Variants in ATP6V1B1 observed in about 807,000 individuals in gnomAD.
The protein encoded by ATP6V1B1 is V-type proton ATPase subunit B, kidney isoform.
A neutral mutation model predicts 62.1 loss-of-function variants in ATP6V1B1; 41 were observed. That is an observed-to-expected ratio of 0.66 (90% confidence interval 0.51 to 0.86). ATP6V1B1 has a LOEUF of 0.86. ATP6V1B1 is among the 40% of genes least tolerant of loss of function. ATP6V1B1 has a pLI of 0.00. For missense variants in ATP6V1B1, 651 were observed against 697.5 expected (o/e 0.93, Z 0.75); for synonymous variants, 253 against 273.4 (o/e 0.93, Z 0.74).
At chr2:70,957,576 C>T (rs1680469573) in intron 2 of ATP6V1B1, among the ~76,000 whole-genome samples, 1 of 151,942 alleles carries the variant, frequency 6.6e-6, no homozygotes, top group Non-Finnish European at 1.5e-5. Context: ...GATATGCTGT[C>T]CAGGATCCCG....
intron 1 of ATP6V1B1, among the ~76,000 whole-genome samples, chr2:70,937,478 G>T (rs1441532396): frequency 6.6e-6 from 1 of 152,030 alleles, no homozygotes; most frequent in African/African-American, 2.4e-5. Context: ...CCTGCCCCAT[G>T]GAGCTCGGGG....
chr2:70,958,990 C>T (rs1680515358), intron 4 of ATP6V1B1, 28 bp from the exon 5 acceptor site: 6 of 1,611,652 alleles, frequency 3.7e-6, no homozygotes, highest in Non-Finnish European at 5.1e-6. Flanking sequence ...AGCCTGAGCA[C>T]CCTGCAACAC....
At chr2:70,958,949 G>T in intron 4 of ATP6V1B1, 69 bp from the exon 5 acceptor site, 1 of 1,476,462 alleles carries the variant, frequency 6.8e-7, no homozygotes, top group Non-Finnish European at 9.4e-7. Context: ...TGGTGGTGTG[G>T]AGGGTAGACA....
chr2:70,963,158 G>A lies in ATP6V1B1; in HGVS notation c.910-4G>A. 1 of 1,612,354 alleles carries A rather than the reference G, an allele frequency of 6.2e-7. No individual in the cohort carries two copies. On this transcript the variant is annotated splice_polypyrimidine_tract_variant and splice_region_variant and intron_variant, in intron 9 of 13. Transcript: ENST00000234396. This position sits in a 1 kb window ranked among gnomAD's most constrained non-coding sequence, Gnocchi z 4.3. Reference sequence around the variant, plus strand: ...TCTTACCCCAGTGCCCATGGATATTGCAGGTCTCTGCTGCTAGAGAGGAGG... The same window carrying A: ...TCTTACCCCAGTGCCCATGGATATTACAGGTCTCTGCTGCTAGAGAGGAGG...
intron 2 of ATP6V1B1, among the ~76,000 whole-genome samples, chr2:70,946,109 T>C (rs915809023): frequency 2.6e-5 from 4 of 152,024 alleles, no homozygotes; most frequent in Non-Finnish European, 1.5e-5. Flanking sequence ...CTATAGTAGG[T>C]GCTCAGCATG....
chr2:70,946,016 G>A (rs993588174), intron 2 of ATP6V1B1, among the ~76,000 whole-genome samples: 5 of 151,854 alleles, frequency 3.3e-5, no homozygotes, highest in African/African-American at 1.2e-4. Context: ...CACACACACC[G>A]TGCCCTGCTA....
chr2:70,958,169 G>C (rs1352637139), intron 3 of ATP6V1B1, 25 bp downstream of exon 3: 13 of 1,609,260 alleles, frequency 8.1e-6, no homozygotes, highest in Non-Finnish European at 1.1e-5. Flanking sequence ...TGGGACATTG[G>C]CTAGTTAAAT....
chr2:70,938,099 T>A (rs1679901641), intron 1 of ATP6V1B1, among the ~76,000 whole-genome samples: 1 of 152,100 alleles, frequency 6.6e-6, no homozygotes, highest in South Asian at 2.1e-4. Context: ...CTATCAAGTA[T>A]CCTCACAGGA....
At chr2:70,954,974 G>T (rs1326149369) in intron 2 of ATP6V1B1, among the ~76,000 whole-genome samples, 3 of 152,188 alleles carry the variant, frequency 2.0e-5, no homozygotes, top group Non-Finnish European at 2.9e-5. Flanking sequence ...GGGATGGTGT[G>T]CTCTGCTAGC....
At chr2:70,943,024 C>T (rs1680041740) in intron 1 of ATP6V1B1, among the ~76,000 whole-genome samples, 1 of 152,202 alleles carries the variant, frequency 6.6e-6, no homozygotes, top group Admixed American at 6.5e-5. Flanking sequence ...TGGGTCTCTG[C>T]AGCTGCCACA....
rs572294780 is a variant in ATP6V1B1 at position 70,959,058 on chromosome 2, G to A, written c.408G>A (p.Gly136=). The change falls in exon 5 of 14, where the codon GGG becomes GGA. Residue 136 remains glycine, a synonymous_variant. Transcript: ENST00000234396. This position sits in a 1 kb window ranked among gnomAD's most constrained non-coding sequence, Gnocchi z 4.2. ...FNGSGKPIDK[G]PVVMAEDFLD... is the part of the protein sequence containing the mutation. ...GCTCCGGCAAGCCCATTGACAAGGGGCCAGTGGTCATGGCGGAGGACTTTC... is the reference window on the plus strand; with the variant it reads ...GCTCCGGCAAGCCCATTGACAAGGGACCAGTGGTCATGGCGGAGGACTTTC... The A allele has an allele frequency of 3.1e-6, 5 of 1,614,152 alleles. No homozygotes were observed. The East Asian group carries it at 8.9e-5, about 29-fold the overall frequency.
At position 70,964,449 on chromosome 2, in the gene ATP6V1B1, C is replaced by T. The variant is rs149169747; in HGVS notation, c.1155C>T (p.Pro385=). The T allele has an allele frequency of 5.6e-6, 9 of 1,614,016 alleles. No individual in the cohort carries two copies. The highest frequency in any genetic ancestry group is 1.3e-5 in the African/African-American group (1 of 74,904). Residue 385 remains proline (P), a synonymous_variant, in exon 12 of 14, where the codon CCC becomes CCT. Coordinates refer to ENST00000234396, the MANE Select transcript of ATP6V1B1 (RefSeq NM_001692.4). ...TTCTTCTCCCTCAGATCTACCCCCC[C>T]ATCAACGTGCTCCCTTCCCTGTCGC... The part of the protein sequence containing the change: ...RQLHNRQIYP[P]INVLPSLSRL...
intron 11 of ATP6V1B1, chr2:70,964,114 A>ATTTGTTT: frequency 8.1e-6 from 1 of 123,588 alleles, no homozygotes. Flanking sequence ...CTTGGCAGGT[A>ATTTGTTT]TTTTTTTTTT....
intron 8 of ATP6V1B1, 118 bp from the exon 9 acceptor site, chr2:70,962,659 A>C: frequency 6.6e-7 from 1 of 1,520,862 alleles, no homozygotes. Flanking sequence ...CATCTTATCC[A>C]TTCCTCTGCC....
Position 70,965,148 on chromosome 2 carries a change from C to A in ATP6V1B1, c.*27C>A, listed in dbSNP as rs1553420865. 4.4e-6 allele frequency: 7 copies of A among 1,603,138 alleles called. No individual in the cohort carries two copies. Among genetic ancestry groups the A allele is most frequent in the Non-Finnish European group, 5.9e-6 (7 of 1,179,628 alleles). ...CCCGCGCGCCGTGGCACCCCAACAC[C>A]GGCAGGGAACCTACCCTCGGCTCCC... On this transcript the variant is annotated 3_prime_UTR_variant, in exon 14 of 14. Transcript: ENST00000234396.
intron 2 of ATP6V1B1, chr2:70,944,110 A>T (rs1680085701): frequency 1.6e-6 from 2 of 1,282,668 alleles, no homozygotes; most frequent in Admixed American, 5.0e-5. Context: ...CTCGACTCTC[A>T]CAGGATCTTC....
intron 4 of ATP6V1B1, 110 bp from the exon 5 acceptor site, chr2:70,958,908 G>C: frequency 6.8e-6 from 7 of 1,036,440 alleles, no homozygotes; most frequent in Non-Finnish European, 1.0e-5. Context: ...GGGGATACAG[G>C]GCACTCCTGT....
intron 2 of ATP6V1B1, among the ~76,000 whole-genome samples, chr2:70,945,900 T>C (rs1479300612): frequency 6.6e-6 from 1 of 151,506 alleles, no homozygotes; most frequent in African/African-American, 2.4e-5. Context: ...GAGGTCACCT[T>C]CTCCTGGATG....
chr2:70,935,944 G>T lies in ATP6V1B1; in HGVS notation c.-11G>T. 1 of 1,609,692 alleles carries T rather than the reference G, an allele frequency of 6.2e-7. No homozygotes were observed. Among genetic ancestry groups the T allele is most frequent in the South Asian group, 1.1e-5 (1 of 90,810 alleles). On this transcript the variant is annotated 5_prime_UTR_variant, in exon 1 of 14. Coordinates refer to ENST00000234396, the MANE Select transcript of ATP6V1B1 (RefSeq NM_001692.4). ...GGCTCAGACACTGGGCTCCCAGCTGGGGACTGCTCCATGGCCATGGAGATA... is the reference window on the plus strand; with the variant it reads ...GGCTCAGACACTGGGCTCCCAGCTGTGGACTGCTCCATGGCCATGGAGATA...
Sources: gnomAD v4.1 joint callset for allele counts (sites outside exome capture counted in the v4.1 genomes callset) on GRCh38, gnomAD v4.1.1 for gene constraint, Gnocchi (gnomAD v3.1) non-coding constraint, MANE v1.5 for transcripts, NCBI Gene and HGNC (gene_info 2026-07-23, HGNC 2026-07-21) for gene names.